ZNF268: variants seen among roughly 807,000 people sequenced by gnomAD.
ZNF268 encodes zinc finger protein 3.
Under a neutral mutation model 29.3 loss-of-function variants are expected in ZNF268, and 20 were observed. That is an observed-to-expected ratio of 0.68 (90% CI 0.48 to 0.99). The LOEUF is 0.99. Among genes scored for constraint, ZNF268 ranks in the 50% least tolerant of loss-of-function variants. The probability of loss-of-function intolerance (pLI) is 0.00; values close to 1 mark genes in which losing one functional copy is unlikely to be tolerated. For synonymous variants in ZNF268, 429 were observed against 376.9 expected, an observed-to-expected ratio of 1.14 and a Z score of -1.60; for missense variants, 1,240 against 1,121.6, an observed-to-expected ratio of 1.11 and a Z score of -1.51.
chr12:133,204,262 C>G lies in ZNF268; in HGVS notation c.2576C>G (p.Thr859Arg), dbSNP rs939996932. ...CTTCTTGTACACCAGAGAATGCACA[C>G]AAGAGAGAAACCATATGAATGCAGT... Reference protein sequence around the residue: ...LRLLVHQRMHTREKPYECSEC... With the variant: ...LRLLVHQRMHRREKPYECSEC... Residue 859 changes from threonine (T) to arginine (R), a missense_variant, in exon 6 of 6, where the codon ACA becomes AGA. By Grantham distance (71) the Thr-to-Arg change is moderately conservative (BLOSUM62 -1). Coordinates refer to ENST00000536435, the MANE Select transcript of ZNF268 (RefSeq NM_003415.3). 6 of 1,548,628 alleles carry G rather than the reference C, an allele frequency of 3.9e-6. No homozygotes were observed. Among genetic ancestry groups the G allele is most frequent in the Non-Finnish European group, 5.2e-6 (6 of 1,150,798 alleles).
chr12:133,183,437 T>A (rs1343250087), intron 2 of ZNF268, among the ~76,000 whole-genome samples: 2 of 150,910 alleles, frequency 1.3e-5, no homozygotes, highest in African/African-American at 4.9e-5. Flanking sequence ...GAGGCAGAGG[T>A]TGCAGTCAGC....
intron 5 of ZNF268, among the ~76,000 whole-genome samples, chr12:133,197,028 C>CT (rs34487541): frequency 0.011 from 1,569 of 140,170 alleles, 21 homozygotes; most frequent in African/African-American, 0.028. Flanking sequence ...TAGATCCTTT[C>CT]TTTTTTTTTT....
rs1956925404 is a variant in ZNF268 at position 133,207,781 on chromosome 12, C to T, written c.*3251C>T. ...TGAGATCGTACCACTGTACTCCACC[C>T]TGGGTGACAGAACTAGACCCTGTCT... On this transcript the variant is annotated 3_prime_UTR_variant, in exon 6 of 6. Transcript: ENST00000536435. 6.6e-6 allele frequency: 1 copy of T among 152,158 alleles called. No individual in the cohort carries two copies. The highest frequency in any genetic ancestry group is 2.4e-5 in the African/African-American group (1 of 41,434). 9.4% of individuals were successfully genotyped at this position (152,158 alleles called of 1,614,324 possible).
intron 2 of ZNF268, 50 bp downstream of exon 2, chr12:133,182,080 C>G (rs1458686022): frequency 1.3e-6 from 2 of 1,535,008 alleles, no homozygotes; most frequent in Non-Finnish European, 8.8e-7. Context: ...TGAATGCCAA[C>G]GTGTGCGCAC....
intron 2 of ZNF268, among the ~76,000 whole-genome samples, chr12:133,185,937 C>T (rs542360890): frequency 1.1e-3 from 172 of 152,128 alleles, no homozygotes; most frequent in Middle Eastern, 6.8e-3. Flanking sequence ...ATTAAGTATT[C>T]CTGGTTTTAT....
At position 133,205,718 on chromosome 12, in the gene ZNF268, A is replaced by T. The variant is rs1237285241; in HGVS notation, c.*1188A>T. On this transcript the variant is annotated 3_prime_UTR_variant, in exon 6 of 6. Transcript: ENST00000536435. ...TAGTAATCAATATAAGGCACACTTCATGTGTTTGTGTAGCCTGGAATCTAT... is the reference window on the plus strand; with the variant it reads ...TAGTAATCAATATAAGGCACACTTCTTGTGTTTGTGTAGCCTGGAATCTAT... 1 of 152,196 alleles carries T rather than the reference A, an allele frequency of 6.6e-6. No individual in the cohort carries two copies. Among genetic ancestry groups the T allele is most frequent in the Non-Finnish European group, 1.5e-5 (1 of 68,028 alleles). 9.4% of individuals were successfully genotyped at this position (152,196 alleles called of 1,614,324 possible). A position where few individuals can be genotyped will look rare whatever the true frequency, so the allele number is the denominator to read the frequency against.
rs554503081 is a variant in ZNF268 at position 133,191,398 on chromosome 12, A to G, written c.235-91A>G. On this transcript the variant is annotated intron_variant, in intron 3 of 5. Coordinates refer to ENST00000536435, the MANE Select transcript of ZNF268 (RefSeq NM_003415.3). ...TTCAATACAATTTTTGTTCTCACAAAGTTAAACATAAATAATGGACACCCT... is the reference window on the plus strand; with the variant it reads ...TTCAATACAATTTTTGTTCTCACAAGGTTAAACATAAATAATGGACACCCT... The G allele has an allele frequency of 8.7e-4, 1,290 of 1,480,024 alleles. 17 individuals carry two copies. In the South Asian group the frequency reaches 0.015, roughly 17 times the overall value. The allele number at this position is 1,480,024 out of a possible 1,614,324, so 91.7% of individuals were successfully genotyped here. A position where few individuals can be genotyped will look rare whatever the true frequency, so the allele number is the denominator to read the frequency against.
In ZNF268 at chr12:133,191,525, A is replaced by G. The variant is rs1488796590; in HGVS notation, c.271A>G (p.Thr91Ala). Residue 91 changes from threonine to alanine, a missense_variant, in exon 4 of 6, where the codon ACC becomes GCC. Thr to Ala is a moderately conservative substitution (Grantham distance 58). Around this residue, in one of 3 missense-constraint regions of ZNF268, gnomAD observed 1,177 missense variants for 1,039.6 expected, o/e 1.13. Transcript: ENST00000536435. ...LSFMDVFVDF[T>A]WEEWQLLDPA... Reference sequence around the variant, plus strand: ...ATTCATGGATGTGTTTGTGGATTTTACCTGGGAGGAGTGGCAGCTGCTAGA... The same window carrying G: ...ATTCATGGATGTGTTTGTGGATTTTGCCTGGGAGGAGTGGCAGCTGCTAGA... The G allele has an allele frequency of 7.4e-6, 12 of 1,613,908 alleles. No homozygotes were observed. Among genetic ancestry groups the G allele is most frequent in the Non-Finnish European group, 7.6e-6 (9 of 1,179,972 alleles).
chr12:133,194,160 C>T (rs1956541928), intron 5 of ZNF268, among the ~76,000 whole-genome samples: 1 of 152,154 alleles, frequency 6.6e-6, no homozygotes, highest in Admixed American at 6.5e-5. Flanking sequence ...ATTAATTCAT[C>T]TTCGATGTTA....
At chr12:133,197,988 T>C (rs906335377) in intron 5 of ZNF268, among the ~76,000 whole-genome samples, 2,146 of 152,214 alleles carry the variant, frequency 0.014, 61 homozygotes, top group African/African-American at 0.048. Context: ...GTAGGTTGCC[T>C]GTTCACTCTG....
rs200335485 is a variant in ZNF268 at position 133,188,195 on chromosome 12, A to C, written c.234+123A>C. On this transcript the variant is annotated intron_variant, in intron 3 of 5. Transcript: ENST00000536435. The stretch of plus-strand genomic sequence containing the variant: ...TAATCACTCCTCAGTTCAGTTCAAA[A>C]CCCCCCCACTTTTTTTTTTGAGACA... 466 of 872,584 alleles carry C rather than the reference A, an allele frequency of 5.3e-4. 5 individuals carry two copies. The highest frequency in any genetic ancestry group is 3.9e-3 in the South Asian group (195 of 49,838). The allele number at this position is 872,584 out of a possible 1,614,324, so 54.1% of individuals were successfully genotyped here. A position where few individuals can be genotyped will look rare whatever the true frequency, so the allele number is the denominator to read the frequency against.
At position 133,203,910 on chromosome 12, in the gene ZNF268, C is replaced by T. The variant is rs1420620225; in HGVS notation, c.2224C>T (p.His742Tyr). Reference sequence around the variant, plus strand: ...TAGTTTCAATTCACAACTCATTGTGCATCAGAGAATTCACACAGGAGAAAA... The same window carrying T: ...TAGTTTCAATTCACAACTCATTGTGTATCAGAGAATTCACACAGGAGAAAA... ...SFSFNSQLIV[H>Y]QRIHTGENPY... The change falls in exon 6 of 6, where the codon CAT (histidine) becomes TAT (tyrosine). Residue 742 changes from histidine (H) to tyrosine (Y), a missense_variant. His to Tyr is a moderately conservative substitution (Grantham distance 83). This residue lies in a region of ZNF268 where 1,177 missense variants were observed against 1,039.6 expected (regional missense o/e 1.13). Transcript: ENST00000536435. 1 of 1,585,496 alleles carries T rather than the reference C, an allele frequency of 6.3e-7. No homozygotes were observed. The highest frequency in any genetic ancestry group is 1.8e-5 in the Admixed American group (1 of 55,832).
rs553420215 is a variant in ZNF268, at chr12:133,213,354, A to G, written c.*8824A>G. ...AAATAGGTAAATTGGACTTCACCAA[A>G]ATTGAAAACTTTCGGCATCAGTGGA... On this transcript the variant is annotated 3_prime_UTR_variant, in exon 6 of 6. Transcript: ENST00000536435. 6.6e-6 allele frequency: 1 copy of G among 152,302 alleles called. No individual in the cohort carries two copies. Among genetic ancestry groups the G allele is most frequent in the African/African-American group, 2.4e-5 (1 of 41,558 alleles). 9.4% of individuals were successfully genotyped at this position (152,302 alleles called of 1,614,324 possible).
In ZNF268 at chr12:133,202,726, T is replaced by G; in HGVS notation, c.1040T>G (p.Leu347Arg). 1.9e-6 allele frequency: 3 copies of G among 1,611,940 alleles called. No homozygotes were observed. The African/African-American group carries it at 4.0e-5, about 21-fold the overall frequency. Residue 347 changes from leucine (L) to arginine (R), a missense_variant, in exon 6 of 6, where the codon CTT (leucine) becomes CGT (arginine). Coordinates refer to ENST00000536435, the MANE Select transcript of ZNF268 (RefSeq NM_003415.3). ...CRKTFSFHSQLVIHQRIHTGE... is the reference protein window; with the variant it reads ...CRKTFSFHSQRVIHQRIHTGE... ...AAAACATTCAGTTTCCATTCACAGCTTGTTATACATCAGAGAATTCACACA... is the reference window on the plus strand; with the variant it reads ...AAAACATTCAGTTTCCATTCACAGCGTGTTATACATCAGAGAATTCACACA...
chr12:133,205,108 A>T lies in ZNF268; in HGVS notation c.*578A>T, dbSNP rs145490648. On this transcript the variant is annotated 3_prime_UTR_variant, in exon 6 of 6. Transcript: ENST00000536435. The stretch of plus-strand genomic sequence containing the variant: ...CTTATGAATGTACCAAATAAACCAC[A>T]GCTGGACTGTTAACCTCACCTTAGA... 1 of 140,662 alleles carries T rather than the reference A, an allele frequency of 7.1e-6. No individual in the cohort carries two copies. Among genetic ancestry groups the T allele is most frequent in the Non-Finnish European group, 1.5e-5 (1 of 65,156 alleles). 8.7% of individuals were successfully genotyped at this position (140,662 alleles called of 1,614,324 possible). A position where few individuals can be genotyped will look rare whatever the true frequency, so the allele number is the denominator to read the frequency against.
intron 1 of ZNF268, 74 bp downstream of exon 1, chr12:133,181,760 AC>A (rs1026027610): frequency 1.8e-6 from 1 of 562,146 alleles, no homozygotes. Context: ...CCTGCTGCTG[AC>A]CCGGGGCGGT....
chr12:133,191,498 TCA>T lies in ZNF268; in HGVS notation c.245_246del (p.Ser82PhefsTer33). On this transcript the variant is annotated frameshift_variant, in exon 4 of 6. Coordinates refer to ENST00000536435, the MANE Select transcript of ZNF268 (RefSeq NM_003415.3). LOFTEE classifies it high-confidence loss of function. ...GCATATTGTATTTCAGGGACCTTTG[TCA>T]TTCATGGATGTGTTTGTGGATTTTA... The part of the protein sequence containing the change: ...PKITKSWGPL[S>X]FMDVFVDFTW... The T allele has an allele frequency of 6.2e-7, 1 of 1,614,048 alleles. No homozygotes were observed. Among genetic ancestry groups the T allele is most frequent in the Non-Finnish European group, 8.5e-7 (1 of 1,179,922 alleles).
rs984808222 is a variant in ZNF268 at position 133,202,716 on chromosome 12, C to A, written c.1030C>A (p.His344Asn). The A allele has an allele frequency of 1.9e-6, 3 of 1,611,054 alleles. No individual in the cohort carries two copies. The highest frequency in any genetic ancestry group is 2.5e-6 in the Non-Finnish European group (3 of 1,178,766). Reference protein sequence around the residue: ...CSECRKTFSFHSQLVIHQRIH... With the variant: ...CSECRKTFSFNSQLVIHQRIH... ...TGAATGCAGGAAAACATTCAGTTTCCATTCACAGCTTGTTATACATCAGAG... is the reference window on the plus strand; with the variant it reads ...TGAATGCAGGAAAACATTCAGTTTCAATTCACAGCTTGTTATACATCAGAG... Residue 344 changes from histidine (H) to asparagine (N), a missense_variant, in exon 6 of 6, where the codon CAT (histidine) becomes AAT (asparagine). This residue lies in a region of ZNF268 where 1,177 missense variants were observed against 1,039.6 expected (regional missense o/e 1.13). Transcript: ENST00000536435.
Position 133,185,103 on chromosome 12 carries a change from GA to G in ZNF268, c.34-2767del, listed in dbSNP as rs1157306883. 2.7e-5 allele frequency among the ~76,000 whole-genome samples: 4 copies of G among 149,788 alleles called. No individual in the cohort carries two copies. In the Admixed American group the frequency reaches 2.7e-4, roughly 10 times the overall value. Reference sequence around the variant, plus strand: ...GGAGGCTGAGGCAGAAAAATCGCTTGAACCCCAGGAGTAGGAGGTTGCAGTG... The same window carrying G: ...GGAGGCTGAGGCAGAAAAATCGCTTGACCCCAGGAGTAGGAGGTTGCAGTG... On this transcript the variant is annotated intron_variant, in intron 2 of 5. Coordinates refer to ENST00000536435, the MANE Select transcript of ZNF268 (RefSeq NM_003415.3).
Sources: gnomAD v4.1 joint callset for allele counts (sites outside exome capture counted in the v4.1 genomes callset) on GRCh38, gnomAD v4.1.1 for gene constraint, gnomAD v4.1.1 regional missense constraint, MANE v1.5 for transcripts, NCBI Gene and HGNC (gene_info 2026-07-23, HGNC 2026-07-21) for gene names.